CC2D2A: variants seen among roughly 807,000 people sequenced by gnomAD.
CC2D2A encodes coiled-coil and C2 domain-containing protein 2A.
Under a neutral mutation model 212.9 loss-of-function variants are expected in CC2D2A, and 155 were observed. The observed-to-expected ratio is 0.73, with a 90% confidence interval of 0.64 to 0.83. The LOEUF (loss-of-function observed/expected upper bound fraction) is 0.83. Ranked by LOEUF, CC2D2A falls within the 40% of genes least tolerant of loss-of-function variation. The pLI, the probability that CC2D2A is intolerant of heterozygous loss-of-function variation, is 0.00. For synonymous variants in CC2D2A, 667 were observed against 686.5 expected, an observed-to-expected ratio of 0.97 and a Z score of 0.44; for missense variants, 1,856 against 1,956.2, an observed-to-expected ratio of 0.95 and a Z score of 0.97.
intron 8 of CC2D2A, 135 bp from the exon 9 acceptor site, chr4:15,514,572 G>A (rs144150813): frequency 3.7e-5 from 26 of 693,480 alleles, no homozygotes; most frequent in Middle Eastern, 8.4e-4. Context: ...ATAGTTCTAT[G>A]CTTTCACTTT....
chr4:15,527,567 G>C lies in CC2D2A; in HGVS notation c.1270G>C (p.Glu424Gln), dbSNP rs372029263. The change falls in exon 12 of 37, where the codon GAG becomes CAG. Residue 424 changes from glutamate to glutamine, a missense_variant. Around this residue, in one of 5 missense-constraint regions of CC2D2A, gnomAD observed 1,512 missense variants for 1,579.3 expected, o/e 0.96. Coordinates refer to ENST00000424120, the MANE Select transcript of CC2D2A (RefSeq NM_001378615.1). The part of the protein sequence containing the change: ...IFTHHPCFSR[E>Q]HVLAAKLAQL... ...CACTCATCATCCCTGTTTTAGCCGAGAGCATGTTTTGGCAGCCAAGCTGGC... is the reference window on the plus strand; with the variant it reads ...CACTCATCATCCCTGTTTTAGCCGACAGCATGTTTTGGCAGCCAAGCTGGC... 20 of 1,613,350 alleles carry C rather than the reference G, an allele frequency of 1.2e-5. No homozygotes were observed. Among genetic ancestry groups the C allele is most frequent in the Non-Finnish European group, 1.6e-5 (19 of 1,179,660 alleles).
At chr4:15,498,063 C>T (rs1560150801) in intron 4 of CC2D2A, among the ~76,000 whole-genome samples, 1 of 152,126 alleles carries the variant, frequency 6.6e-6, no homozygotes, top group Non-Finnish European at 1.5e-5. Flanking sequence ...AGAGTGTCCA[C>T]TATTTTATTA....
chr4:15,486,358 T>A (rs1469706557), intron 4 of CC2D2A, among the ~76,000 whole-genome samples: 1 of 152,004 alleles, frequency 6.6e-6, no homozygotes, highest in Non-Finnish European at 1.5e-5. Context: ...TATTCAGATT[T>A]TATATTTCTT....
chr4:15,470,692 T>TATATATA (rs1713734261), intron 1 of CC2D2A, among the ~76,000 whole-genome samples: 25 of 28,084 alleles, frequency 8.9e-4, no homozygotes, highest in Middle Eastern at 0.016. Context: ...TCTCTCTCTA[T>TATATATA]ATATATATAT....
At chr4:15,589,781 A>C in intron 33 of CC2D2A, 102 bp downstream of exon 33, 1 of 343,166 alleles carries the variant, frequency 2.9e-6, no homozygotes, top group Non-Finnish European at 4.2e-6. Flanking sequence ...ATTTATATAA[A>C]TGAATATATA....
In CC2D2A at chr4:15,574,139, T is replaced by A. The variant is rs1476484459; in HGVS notation, c.3595-11T>A. On this transcript the variant is annotated splice_polypyrimidine_tract_variant and intron_variant, in intron 28 of 36. Transcript: ENST00000424120. ...CATCAGGATGTTTACCAAGTCATAT[T>A]TTCTTCACAGATTGATGGAACATTT... 24 of 1,533,690 alleles carry A rather than the reference T, an allele frequency of 1.6e-5. 2 individuals carry two copies. In the South Asian group the frequency reaches 2.9e-4, roughly 19 times the overall value.
intron 17 of CC2D2A, among the ~76,000 whole-genome samples, chr4:15,542,684 T>A (rs1344785332): frequency 1.3e-5 from 2 of 152,146 alleles, no homozygotes; most frequent in Non-Finnish European, 2.9e-5. Flanking sequence ...CCAGATGCCA[T>A]CCTGGCCACA....
chr4:15,571,034 T>C (rs1361209033), intron 28 of CC2D2A, among the ~76,000 whole-genome samples: 1 of 152,254 alleles, frequency 6.6e-6, no homozygotes, highest in Non-Finnish European at 1.5e-5. Context: ...TTGCATTAAG[T>C]ATCTATGTTC....
intron 34 of CC2D2A, among the ~76,000 whole-genome samples, 196 bp from the exon 35 acceptor site, chr4:15,597,211 G>A (rs747055194): frequency 6.6e-6 from 1 of 152,112 alleles, no homozygotes; most frequent in Non-Finnish European, 1.5e-5. Flanking sequence ...TGTGGTAAGA[G>A]AGAAGAAAAA....
rs1328921974 is a variant in CC2D2A, at chr4:15,599,619, C to A, written c.4587C>A (p.His1529Gln). Residue 1529 changes from histidine to glutamine, a missense_variant, in exon 36 of 37, where the codon CAC becomes CAA. This residue lies in a region of CC2D2A where 285 missense variants were observed against 278.4 expected (regional missense o/e 1.02). Transcript: ENST00000424120. ...WNRYCTSTLR[H>Q]FLPLLEKSQG... Reference sequence around the variant, plus strand: ...GGTATTGTACCTCTACTCTGCGTCACTTCTTGCCTCTGTTAGAAAAAAGTC... The same window carrying A: ...GGTATTGTACCTCTACTCTGCGTCAATTCTTGCCTCTGTTAGAAAAAAGTC... The A allele has an allele frequency of 1.2e-6, 2 of 1,613,480 alleles. No individual in the cohort carries two copies. Among genetic ancestry groups the A allele is most frequent in the South Asian group, 2.2e-5 (2 of 91,030 alleles).
At chr4:15,521,030 G>A (rs1577344714) in intron 11 of CC2D2A, among the ~76,000 whole-genome samples, 1 of 152,152 alleles carries the variant, frequency 6.6e-6, no homozygotes, top group East Asian at 1.9e-4. Flanking sequence ...GCAGAAATAG[G>A]AAAGTCAAGA....
chr4:15,472,870 A>C (rs1278143738), intron 1 of CC2D2A, among the ~76,000 whole-genome samples: 1 of 152,188 alleles, frequency 6.6e-6, no homozygotes, highest in African/African-American at 2.4e-5. Flanking sequence ...ATTTCCCTTT[A>C]ACATGCTAAT....
Position 15,569,292 on chromosome 4 carries a change from G to C in CC2D2A, c.3399-1G>C, listed in dbSNP as rs746409565. 1.3e-6 allele frequency: 2 copies of C among 1,560,488 alleles called. No individual in the cohort carries two copies. Among genetic ancestry groups the C allele is most frequent in the South Asian group, 1.2e-5 (1 of 85,112 alleles). On this transcript the variant is annotated splice_acceptor_variant, in intron 26 of 36. Coordinates refer to ENST00000424120, the MANE Select transcript of CC2D2A (RefSeq NM_001378615.1). LOFTEE classifies it high-confidence loss of function. ...GTCCCTGGTCATGTGCTGTCTTGCA[G>C]GGCTCCTAATGGAGATTATAGCACA...
At chr4:15,565,238 T>C (rs1357833337) in intron 24 of CC2D2A, among the ~76,000 whole-genome samples, 1 of 152,226 alleles carries the variant, frequency 6.6e-6, no homozygotes, top group African/African-American at 2.4e-5. Context: ...CCATAGACTA[T>C]TTTTAAGTGT....
At chr4:15,597,556 C>A in intron 35 of CC2D2A, 91 bp downstream of exon 35, 1 of 951,512 alleles carries the variant, frequency 1.1e-6, no homozygotes, top group Non-Finnish European at 1.6e-6. Context: ...GAATGTGAAA[C>A]AATTTAGGCA....
chr4:15,567,224 A>G (rs892212584), intron 24 of CC2D2A, among the ~76,000 whole-genome samples, 153 bp from the exon 25 acceptor site: 3 of 152,052 alleles, frequency 2.0e-5, no homozygotes, highest in African/African-American at 7.2e-5. Context: ...CAGAGGTTGC[A>G]GTGAGCTGAG....
chr4:15,527,749 C>G, intron 12 of CC2D2A, 93 bp downstream of exon 12: 4 of 903,550 alleles, frequency 4.4e-6, no homozygotes, highest in Non-Finnish European at 6.8e-6. Flanking sequence ...AATGTTCATG[C>G]CCCTCTTTCA....
At chr4:15,524,987 CA>C (rs1428778155) in intron 11 of CC2D2A, among the ~76,000 whole-genome samples, 3 of 152,158 alleles carry the variant, frequency 2.0e-5, no homozygotes, top group African/African-American at 7.2e-5. Context: ...AAAAGAAAGA[CA>C]AGGAACTAGG....
intron 11 of CC2D2A, among the ~76,000 whole-genome samples, chr4:15,523,290 G>A (rs1717318633): frequency 6.6e-6 from 1 of 152,106 alleles, no homozygotes; most frequent in South Asian, 2.1e-4. Context: ...GGAATACAGA[G>A]GGAGCAATCT....
Sources: gnomAD v4.1 joint callset for allele counts (sites outside exome capture counted in the v4.1 genomes callset) on GRCh38, gnomAD v4.1.1 for gene constraint, gnomAD v4.1.1 regional missense constraint, MANE v1.5 for transcripts, NCBI Gene and HGNC (gene_info 2026-07-23, HGNC 2026-07-21) for gene names.